MTMR7: variants seen among roughly 807,000 people sequenced by gnomAD.
MTMR7 encodes phosphatidylinositol-3-phosphate phosphatase MTMR7.
Under a neutral mutation model 81.2 loss-of-function variants are expected in MTMR7, and 76 were observed. The ratio of observed to expected loss-of-function variants is 0.94; its 90% confidence interval spans 0.78 to 1.13. MTMR7 has a LOEUF of 1.13. MTMR7 is among the 50% of genes most tolerant of loss of function. The pLI is 0.00. For missense variants in MTMR7, 1,044 were observed against 820.0 expected (o/e 1.27, Z -3.34); for synonymous variants, 372 against 289.8 (o/e 1.28, Z -2.88).
chr8:17,370,273 G>A (rs184077069), intron 3 of MTMR7, among the ~76,000 whole-genome samples: 164 of 151,854 alleles, frequency 1.1e-3, no homozygotes, highest in African/African-American at 3.4e-3. Context: ...CCTGTAATCC[G>A]AGCACTTGAG....
At chr8:17,333,542 T>C (rs1819120990) in intron 6 of MTMR7, among the ~76,000 whole-genome samples, 1 of 152,118 alleles carries the variant, frequency 6.6e-6, no homozygotes, top group Non-Finnish European at 1.5e-5. Context: ...GAGATACTCT[T>C]TTAAAAAGCA....
chr8:17,346,622 T>G lies in MTMR7; in HGVS notation c.597+2331A>C, dbSNP rs1290017070. On this transcript the variant is annotated intron_variant, in intron 5 of 13. Transcript: ENST00000180173. ...ATATTTAATCCTGATACTACTCACA[T>G]TGACAAAAAGTAAAATGTCCCTTGT... Among the ~76,000 whole-genome samples the G allele has an allele frequency of 3.3e-5, 5 of 150,976 alleles. No individual in the cohort carries two copies. The South Asian group carries it at 1.0e-3, about 31-fold the overall frequency.
chr8:17,312,779 T>C (rs1817865014), intron 8 of MTMR7, among the ~76,000 whole-genome samples: 1 of 152,082 alleles, frequency 6.6e-6, no homozygotes, highest in Non-Finnish European at 1.5e-5. Context: ...TGGTTCTCTT[T>C]AGGTATAAAT....
chr8:17,337,806 T>C (rs925833698), intron 6 of MTMR7, among the ~76,000 whole-genome samples: 3 of 152,088 alleles, frequency 2.0e-5, no homozygotes, highest in Non-Finnish European at 4.4e-5. Context: ...TTTGTAGAGA[T>C]GGGGGTCTCA....
intron 6 of MTMR7, among the ~76,000 whole-genome samples, chr8:17,334,616 C>T (rs1819167355): frequency 6.6e-6 from 1 of 152,168 alleles, no homozygotes; most frequent in African/African-American, 2.4e-5. Context: ...ATAAATGAAG[C>T]AAAGTCAACA....
rs11344506 is a variant in MTMR7 at position 17,396,126 on chromosome 8, TAA to T, written c.24+17141_24+17142del. Among the ~76,000 whole-genome samples, 418 of 148,024 alleles carry T rather than the reference TAA, an allele frequency of 2.8e-3. 2 individuals carry two copies. The highest frequency in any genetic ancestry group is 8.8e-3 in the African/African-American group (356 of 40,360). On this transcript the variant is annotated intron_variant, in intron 1 of 13. Transcript: ENST00000180173. ...GCTGATCATACCAACATACGGTTTA[TAA>T]AAAAAAAAAAATTCCAGACAAACTA...
At chr8:17,366,887 A>AAAAAAAAAAAAACAAAC (rs1554515171) in intron 3 of MTMR7, among the ~76,000 whole-genome samples, 14 of 146,110 alleles carry the variant, frequency 9.6e-5, no homozygotes, top group East Asian at 2.1e-4. Context: ...CTCCATCTCA[A>AAAAAAAAAAAAACAAAC]AAAAAAAAAA....
intron 1 of MTMR7, among the ~76,000 whole-genome samples, chr8:17,411,247 T>C (rs1377046651): frequency 1.3e-5 from 2 of 152,216 alleles, no homozygotes; most frequent in Non-Finnish European, 2.9e-5. Context: ...TTTATACAAG[T>C]ACATGACCAC....
rs1322795380 is a variant in MTMR7 at position 17,297,548 on chromosome 8, AT to A, written c.*2313del. ...ACTGATTTGCTGGGTCATGGTCAAA[AT>A]TCTTACCTATTTATTTCATATCAAC... On this transcript the variant is annotated 3_prime_UTR_variant, in exon 14 of 14. Transcript: ENST00000180173. 8.7e-6 allele frequency: 1 copy of A among 115,122 alleles called. No individual in the cohort carries two copies. Among genetic ancestry groups the A allele is most frequent in the African/African-American group, 4.4e-5 (1 of 22,980 alleles). The allele number at this position is 115,122 out of a possible 1,614,324, so 7.1% of individuals were successfully genotyped here. A position where few individuals can be genotyped will look rare whatever the true frequency, so the allele number is the denominator to read the frequency against.
chr8:17,333,291 A>G (rs1366376339), intron 6 of MTMR7, among the ~76,000 whole-genome samples: 4 of 150,602 alleles, frequency 2.7e-5, no homozygotes, highest in African/African-American at 9.7e-5. Flanking sequence ...TCACACTTTA[A>G]GAAGTATAAA....
At chr8:17,376,089 C>A (rs1820577356) in intron 1 of MTMR7, among the ~76,000 whole-genome samples, 1 of 152,192 alleles carries the variant, frequency 6.6e-6, no homozygotes, top group Non-Finnish European at 1.5e-5. Flanking sequence ...ATTCCCCCAA[C>A]CACTCCGGCC....
At chr8:17,368,215 GA>G in intron 3 of MTMR7, among the ~76,000 whole-genome samples, 1 of 152,254 alleles carries the variant, frequency 6.6e-6, no homozygotes, top group East Asian at 1.9e-4. Context: ...TGCCACGAGT[GA>G]TCTCACAGGA....
chr8:17,397,728 T>C (rs1351242709), intron 1 of MTMR7, among the ~76,000 whole-genome samples: 1 of 152,110 alleles, frequency 6.6e-6, no homozygotes, highest in East Asian at 1.9e-4. Context: ...AAGTGAACTT[T>C]GGAAGTAGCC....
intron 1 of MTMR7, among the ~76,000 whole-genome samples, chr8:17,374,004 T>C (rs1349783118): frequency 6.6e-6 from 1 of 152,162 alleles, no homozygotes; most frequent in African/African-American, 2.4e-5. Context: ...ATGGTAATTC[T>C]AGTAAGACAC....
chr8:17,363,303 G>T (rs993276320), intron 3 of MTMR7, among the ~76,000 whole-genome samples: 1 of 152,192 alleles, frequency 6.6e-6, no homozygotes, highest in Non-Finnish European at 1.5e-5. Flanking sequence ...GATGCCAAAG[G>T]AATCTCTTGA....
At chr8:17,362,406 T>C (rs948616079) in intron 3 of MTMR7, among the ~76,000 whole-genome samples, 1 of 152,228 alleles carries the variant, frequency 6.6e-6, no homozygotes, top group Non-Finnish European at 1.5e-5. Flanking sequence ...AAAGGATAAC[T>C]GATACTCAGA....
intron 1 of MTMR7, among the ~76,000 whole-genome samples, chr8:17,387,774 A>G (rs1410599147): frequency 6.6e-6 from 1 of 151,126 alleles, no homozygotes; most frequent in Non-Finnish European, 1.5e-5. Flanking sequence ...TTTCCATTTA[A>G]AAGGAGAAAA....
intron 1 of MTMR7, among the ~76,000 whole-genome samples, chr8:17,402,790 GCT>G (rs1208763674): frequency 2.6e-5 from 4 of 152,056 alleles, no homozygotes; most frequent in Admixed American, 6.6e-5. Flanking sequence ...TTGTATTTTA[GCT>G]CTGTTTTTAG....
At chr8:17,333,634 G>A (rs980591906) in intron 6 of MTMR7, among the ~76,000 whole-genome samples, 3 of 152,104 alleles carry the variant, frequency 2.0e-5, no homozygotes, top group Non-Finnish European at 4.4e-5. Context: ...GAGATCTCTT[G>A]AGCTCAGGAG....
Sources: gnomAD v4.1 joint callset for allele counts (sites outside exome capture counted in the v4.1 genomes callset) on GRCh38, gnomAD v4.1.1 for gene constraint, MANE v1.5 for transcripts, NCBI Gene and HGNC (gene_info 2026-07-23, HGNC 2026-07-21) for gene names.